Variants in KLF12 observed in about 807,000 individuals in gnomAD.
KLF12 encodes KLF transcription factor 12.
In KLF12, 9 loss-of-function variants were observed where a neutral mutation model predicts 37.8. The ratio of observed to expected loss-of-function variants is 0.24; its 90% CI spans 0.14 to 0.42. The LOEUF is 0.42. KLF12 is among the 10% of genes least tolerant of loss of function. KLF12 has a pLI of 1.00. For synonymous variants in KLF12, 208 were observed against 202.1 expected, an observed-to-expected ratio of 1.03 and a Z score of -0.25; for missense variants, 411 against 516.0, an observed-to-expected ratio of 0.80 and a Z score of 1.97.
intron 2 of KLF12, among the ~76,000 whole-genome samples, chr13:73,988,108 C>A (rs564629843): frequency 6.6e-6 from 1 of 152,330 alleles, no homozygotes; most frequent in South Asian, 2.1e-4. Flanking sequence ...TCCAGTAGAT[C>A]CCCTGGAATC....
intron 2 of KLF12, among the ~76,000 whole-genome samples, chr13:73,955,933 C>T (rs1463575294): frequency 6.6e-6 from 1 of 152,174 alleles, no homozygotes; most frequent in African/African-American, 2.4e-5. Flanking sequence ...CTTTCCCCAC[C>T]TCCGCTTTTC....
chr13:74,243,287 AT>A, the KLF12 span, among the ~76,000 whole-genome samples: 24 of 151,680 alleles, frequency 1.6e-4, no homozygotes, highest in African/African-American at 2.4e-4. Flanking sequence ...ACATGAATTC[AT>A]TTTTTTTATG....
intron 6 of KLF12, among the ~76,000 whole-genome samples, chr13:73,728,769 AGGTAATCCTTTTT>A (rs1876849691): frequency 6.6e-6 from 1 of 152,144 alleles, no homozygotes; most frequent in South Asian, 2.1e-4. Flanking sequence ...TTCTCATGGT[AGGTAATCCTTTTT>A]ATATGTTGCT....
chr13:73,818,940 C>T (rs1883381282), intron 4 of KLF12, among the ~76,000 whole-genome samples: 1 of 152,200 alleles, frequency 6.6e-6, no homozygotes. Context: ...CCCCGGCTTC[C>T]AGGAGAGCTG....
At chr13:74,121,746 T>C (rs1290146367) in intron 1 of KLF12, among the ~76,000 whole-genome samples, 8 of 152,020 alleles carry the variant, frequency 5.3e-5, no homozygotes, top group Admixed American at 5.2e-4. Flanking sequence ...ATGGATAAAA[T>C]ATTCCTCACA....
At chr13:73,809,908 T>C (rs1440318515) in intron 5 of KLF12, among the ~76,000 whole-genome samples, 2 of 152,150 alleles carry the variant, frequency 1.3e-5, no homozygotes, top group Non-Finnish European at 2.9e-5. Context: ...TTTGTAATAA[T>C]AATAAAGACA....
intron 4 of KLF12, among the ~76,000 whole-genome samples, chr13:73,839,583 T>C (rs1015481632): frequency 6.6e-6 from 1 of 152,204 alleles, no homozygotes; most frequent in Non-Finnish European, 1.5e-5. Flanking sequence ...TGGTATCATT[T>C]TTATAATTAT....
chr13:73,809,516 A>C (rs1014180526), intron 5 of KLF12, among the ~76,000 whole-genome samples: 1 of 68,656 alleles, frequency 1.5e-5, no homozygotes, highest in African/African-American at 5.6e-5. Flanking sequence ...CAGAATTTTT[A>C]AAATTTTTAT....
At chr13:74,040,450 G>A (rs1893371482) in intron 1 of KLF12, among the ~76,000 whole-genome samples, 1 of 152,160 alleles carries the variant, frequency 6.6e-6, no homozygotes, top group Non-Finnish European at 1.5e-5. Context: ...CCCGGCCTGG[G>A]ACATTGGGAT....
chr13:73,785,909 A>G (rs1195957698), intron 5 of KLF12, among the ~76,000 whole-genome samples: 1 of 152,180 alleles, frequency 6.6e-6, no homozygotes, highest in African/African-American at 2.4e-5. Flanking sequence ...GCAGCTCAGC[A>G]TTCCTTCCAG....
chr13:73,721,070 T>G (rs1250197702), intron 6 of KLF12, among the ~76,000 whole-genome samples: 1 of 152,218 alleles, frequency 6.6e-6, no homozygotes, highest in Non-Finnish European at 1.5e-5. Flanking sequence ...GAATGCTTAG[T>G]GGGTGTCAGG....
chr13:74,094,539 C>A (rs1875864026), intron 1 of KLF12, among the ~76,000 whole-genome samples: 1 of 151,948 alleles, frequency 6.6e-6, no homozygotes, highest in Admixed American at 6.6e-5. Flanking sequence ...AATCACAATG[C>A]CTGGCACATA....
chr13:74,166,904 T>G, the KLF12 span, among the ~76,000 whole-genome samples: 1 of 152,230 alleles, frequency 6.6e-6, no homozygotes, highest in Admixed American at 6.5e-5. Context: ...TCATCTTCCT[T>G]CACCCAAGAC....
intron 3 of KLF12, among the ~76,000 whole-genome samples, chr13:73,906,876 T>A (rs7319501): frequency 0.05 from 7,540 of 152,266 alleles, 437 homozygotes; most frequent in African/African-American, 0.14. Flanking sequence ...AGGTCCTACT[T>A]TAATCTGGGT....
chr13:73,886,979 C>G (rs566266539), intron 3 of KLF12, among the ~76,000 whole-genome samples: 1 of 128,576 alleles, frequency 7.8e-6, no homozygotes, highest in Admixed American at 8.4e-5. Context: ...GCAACAAGAG[C>G]GAAAATCCGT....
chr13:74,044,474 G>A lies in KLF12; in HGVS notation c.-31-49421C>T, dbSNP rs1222629836. Among the ~76,000 whole-genome samples the A allele has an allele frequency of 2.0e-5, 3 of 152,002 alleles. No individual in the cohort carries two copies. The East Asian group carries it at 5.8e-4, about 29-fold the overall frequency. ...CACATCTTGAAAGTACCAGAAAGTAGAGAAGTACAATTAAAAAAAAATGTT... is the reference window on the plus strand; with the variant it reads ...CACATCTTGAAAGTACCAGAAAGTAAAGAAGTACAATTAAAAAAAAATGTT... On this transcript the variant is annotated intron_variant, in intron 1 of 7. Coordinates refer to ENST00000377669, the MANE Select transcript of KLF12 (RefSeq NM_007249.5).
chr13:74,156,184 A>G, the KLF12 span, among the ~76,000 whole-genome samples: 1 of 152,182 alleles, frequency 6.6e-6, no homozygotes, highest in Non-Finnish European at 1.5e-5. Context: ...TCTCCCCTGA[A>G]TATAGGATTT....
chr13:74,087,465 CAG>C (rs1354293468), intron 1 of KLF12, among the ~76,000 whole-genome samples: 1 of 152,078 alleles, frequency 6.6e-6, no homozygotes, highest in Non-Finnish European at 1.5e-5. Context: ...CACAATAGCT[CAG>C]AGTCAAGGAC....
chr13:73,906,249 T>G (rs1174480084), intron 3 of KLF12, among the ~76,000 whole-genome samples: 2 of 152,222 alleles, frequency 1.3e-5, no homozygotes, highest in African/African-American at 4.8e-5. Flanking sequence ...ACCTGAATCT[T>G]GGAATTTGCA....
Sources: allele counts gnomAD v4.1 joint callset (sites outside exome capture counted in the v4.1 genomes callset), GRCh38; gene constraint gnomAD v4.1.1; transcripts MANE v1.5; gene names NCBI Gene and HGNC (gene_info 2026-07-23, HGNC 2026-07-21).